Variants in PIK3CB observed in about 807,000 individuals in gnomAD.
PIK3CB encodes phosphatidylinositol 4,5-bisphosphate 3-kinase catalytic subunit beta isoform.
A neutral mutation model predicts 136.8 loss-of-function variants in PIK3CB; 39 were observed. The observed-to-expected ratio is 0.29, with a 90% confidence interval of 0.22 to 0.37. PIK3CB has a LOEUF of 0.37. Ranked by LOEUF, PIK3CB falls within the 10% of genes least tolerant of loss-of-function variation. PIK3CB has a pLI of 1.00. For missense variants in PIK3CB, 868 were observed against 1,275.4 expected (o/e 0.68, Z 4.87); for synonymous variants, 428 against 436.6 (o/e 0.98, Z 0.25).
intron 10 of PIK3CB, chr3:138,707,696 T>C: frequency 4.2e-6 from 1 of 240,280 alleles, no homozygotes; most frequent in Non-Finnish European, 6.8e-6. Flanking sequence ...CAAATTGGTA[T>C]TTTAAGTCAT....
chr3:138,755,369 C>T (rs376878579), intron 4 of PIK3CB, among the ~76,000 whole-genome samples: 1 of 152,150 alleles, frequency 6.6e-6, no homozygotes, highest in Admixed American at 6.5e-5. Flanking sequence ...CAGCCATGCA[C>T]AGTGGCTCAT....
Position 138,655,136 on chromosome 3 carries a change from G to A in PIK3CB, c.*253C>T, listed in dbSNP as rs562625535. Reference sequence around the variant, plus strand: ...ACAATCCCTAGTAGCATTCCTTGGCGTGCAAAGTCAGCAGGAAATGATTAT... The same window carrying A: ...ACAATCCCTAGTAGCATTCCTTGGCATGCAAAGTCAGCAGGAAATGATTAT... On this transcript the variant is annotated 3_prime_UTR_variant, in exon 24 of 24. Transcript: ENST00000674063. 5.7e-5 allele frequency: 25 copies of A among 440,130 alleles called. No individual in the cohort carries two copies. The highest frequency in any genetic ancestry group is 9.3e-5 in the Non-Finnish European group (23 of 248,036). The allele number at this position is 440,130 out of a possible 1,614,324, so 27.3% of individuals were successfully genotyped here.
chr3:138,780,339 C>T (rs4894352), intron 2 of PIK3CB, among the ~76,000 whole-genome samples: 74,397 of 151,808 alleles, frequency 0.49, 20,731 homozygotes, highest in East Asian at 0.98. Flanking sequence ...GGTGCAATCT[C>T]GGCTCACTGC....
intron 19 of PIK3CB, among the ~76,000 whole-genome samples, chr3:138,668,189 T>A (rs1292686388): frequency 6.6e-6 from 1 of 152,172 alleles, no homozygotes; most frequent in Non-Finnish European, 1.5e-5. Flanking sequence ...ATGTTTTTAA[T>A]GAGACCCCTT....
chr3:138,735,218 G>A (rs549370666), intron 6 of PIK3CB, among the ~76,000 whole-genome samples: 80 of 152,028 alleles, frequency 5.3e-4, no homozygotes, highest in Non-Finnish European at 9.1e-4. Context: ...CAAAGTGCTA[G>A]GATTACAGGT....
intron 2 of PIK3CB, among the ~76,000 whole-genome samples, chr3:138,795,379 C>CCAG (rs2108825923): frequency 6.7e-6 from 1 of 150,352 alleles, no homozygotes; most frequent in South Asian, 2.1e-4. Context: ...ATAATCCCAC[C>CCAG]CAGCACTTTG....
At chr3:138,786,588 C>T (rs935335890) in intron 2 of PIK3CB, among the ~76,000 whole-genome samples, 2 of 152,042 alleles carry the variant, frequency 1.3e-5, no homozygotes, top group Non-Finnish European at 2.9e-5. Context: ...TCAGGTCATC[C>T]ACCCACCTCG....
At chr3:138,786,171 A>G (rs922047559) in intron 2 of PIK3CB, among the ~76,000 whole-genome samples, 4 of 152,164 alleles carry the variant, frequency 2.6e-5, no homozygotes, top group African/African-American at 9.7e-5. Context: ...AGTGTTAAAG[A>G]AAACAGTCTC....
intron 2 of PIK3CB, 94 bp from the exon 3 acceptor site, chr3:138,759,453 G>A: frequency 1.3e-6 from 1 of 743,022 alleles, no homozygotes; most frequent in Non-Finnish European, 2.2e-6. Context: ...TTAGTCCTTA[G>A]ATTTCAATAT....
chr3:138,754,041 C>G (rs1451814790), intron 4 of PIK3CB, among the ~76,000 whole-genome samples: 1 of 152,082 alleles, frequency 6.6e-6, no homozygotes, highest in Non-Finnish European at 1.5e-5. Flanking sequence ...ATATACTTGT[C>G]CTGGATGATA....
At position 138,655,259 on chromosome 3, in the gene PIK3CB, T is replaced by C; in HGVS notation, c.*130A>G. The stretch of plus-strand genomic sequence containing the variant: ...TAGGTTCTGTGGGATGCCTTGTTCT[T>C]AATTTAACTCTGAGTTCCAGGATTT... On this transcript the variant is annotated 3_prime_UTR_variant, in exon 24 of 24. Coordinates refer to ENST00000674063, the MANE Select transcript of PIK3CB (RefSeq NM_006219.3). 1 of 891,586 alleles carries C rather than the reference T, an allele frequency of 1.1e-6. No individual in the cohort carries two copies. The highest frequency in any genetic ancestry group is 1.7e-6 in the Non-Finnish European group (1 of 577,788). The allele number at this position is 891,586 out of a possible 1,614,324, so 55.2% of individuals were successfully genotyped here. A position where few individuals can be genotyped will look rare whatever the true frequency, so the allele number is the denominator to read the frequency against.
chr3:138,734,041 A>G (rs2045048570), intron 7 of PIK3CB, among the ~76,000 whole-genome samples: 2 of 152,228 alleles, frequency 1.3e-5, no homozygotes, highest in African/African-American at 4.8e-5. Flanking sequence ...GACCATTTAT[A>G]TTAATATAGA....
intron 19 of PIK3CB, among the ~76,000 whole-genome samples, chr3:138,677,832 T>C (rs1056205462): frequency 2.0e-5 from 3 of 151,864 alleles, no homozygotes; most frequent in African/African-American, 7.3e-5. Context: ...GAGGCGGAGG[T>C]TGCAGTGAGC....
intron 4 of PIK3CB, among the ~76,000 whole-genome samples, chr3:138,746,761 A>G (rs2108684182): frequency 6.6e-6 from 1 of 151,792 alleles, no homozygotes; most frequent in Admixed American, 6.6e-5. Context: ...TAGATCCTTC[A>G]GTTTCTTATT....
intron 19 of PIK3CB, among the ~76,000 whole-genome samples, chr3:138,681,596 T>C (rs2043783808): frequency 6.6e-6 from 1 of 152,212 alleles, no homozygotes. Context: ...TTTCCCTTGG[T>C]AGGTAGAGAA....
chr3:138,829,868 C>T (rs1933944755), intron 1 of PIK3CB, among the ~76,000 whole-genome samples: 1 of 152,078 alleles, frequency 6.6e-6, no homozygotes, highest in Non-Finnish European at 1.5e-5. Context: ...CATTGAAAGA[C>T]GCCTAAAAAC....
chr3:138,790,119 T>A (rs750987079), intron 2 of PIK3CB, among the ~76,000 whole-genome samples: 162 of 152,256 alleles, frequency 1.1e-3, no homozygotes, highest in Non-Finnish European at 1.2e-3. Flanking sequence ...ATACAAGGCA[T>A]CTGAAGCAGA....
intron 11 of PIK3CB, among the ~76,000 whole-genome samples, chr3:138,705,164 A>AG (rs2044340438): frequency 1.0e-5 from 1 of 97,344 alleles, no homozygotes; most frequent in African/African-American, 3.9e-5. Context: ...GCAAAAAAAA[A>AG]AAAAAAAAAC....
At chr3:138,700,784 A>G (rs1003855818) in intron 12 of PIK3CB, among the ~76,000 whole-genome samples, 1 of 152,176 alleles carries the variant, frequency 6.6e-6, no homozygotes, top group Admixed American at 6.6e-5. Context: ...CTATGTTATA[A>G]GCCAACTAAT....
Sources: gnomAD v4.1 joint callset for allele counts (sites outside exome capture counted in the v4.1 genomes callset) on GRCh38, gnomAD v4.1.1 for gene constraint, MANE v1.5 for transcripts, NCBI Gene and HGNC (gene_info 2026-07-23, HGNC 2026-07-21) for gene names.